XYLT1: variants seen among roughly 807,000 people sequenced by gnomAD.
XYLT1 encodes xylosyltransferase 1, also known as beta-D-xylosyltransferase 1.
Under a neutral mutation model 91.3 loss-of-function variants are expected in XYLT1, and 36 were observed. The observed-to-expected ratio is 0.39, with a 90% CI of 0.30 to 0.52. The LOEUF (loss-of-function observed/expected upper bound fraction) is 0.52. XYLT1 is among the 20% of genes least tolerant of loss of function. The pLI is 0.68. For synonymous variants in XYLT1, 588 were observed against 532.0 expected, an observed-to-expected ratio of 1.11 and a Z score of -1.45; for missense variants, 1,242 against 1,284.5, an observed-to-expected ratio of 0.97 and a Z score of 0.51.
chr16:17,256,660 C>CA (rs397820604), intron 3 of XYLT1, among the ~76,000 whole-genome samples: 5 of 147,164 alleles, frequency 3.4e-5, no homozygotes, highest in Admixed American at 2.0e-4. Flanking sequence ...AAAAAAAAAA[C>CA]AAAAAAAAGA....
intron 1 of XYLT1, among the ~76,000 whole-genome samples, chr16:17,439,165 T>C (rs1406119414): frequency 6.6e-6 from 1 of 152,204 alleles, no homozygotes; most frequent in Non-Finnish European, 1.5e-5. Flanking sequence ...TTAGATCAAG[T>C]ATGGCAGGCA....
intron 2 of XYLT1, among the ~76,000 whole-genome samples, chr16:17,327,787 G>A (rs1018834549): frequency 4.6e-5 from 7 of 151,936 alleles, no homozygotes; most frequent in Admixed American, 3.3e-4. Context: ...CATTTTCCTC[G>A]TCTTAAATTC....
chr16:17,410,908 C>T (rs1161526916), intron 1 of XYLT1, among the ~76,000 whole-genome samples: 1 of 152,204 alleles, frequency 6.6e-6, no homozygotes, highest in African/African-American at 2.4e-5. Context: ...TCCCAAAGTG[C>T]TGGGATTACA....
chr16:17,271,443 C>G (rs1018699695), intron 2 of XYLT1, among the ~76,000 whole-genome samples: 1 of 151,904 alleles, frequency 6.6e-6, no homozygotes, highest in African/African-American at 2.4e-5. Context: ...GCAAGAGACA[C>G]AGAGAGAGAG....
At chr16:17,208,340 TA>T (rs534458681) in intron 3 of XYLT1, among the ~76,000 whole-genome samples, 1,939 of 142,416 alleles carry the variant, frequency 0.014, 9 homozygotes, top group Middle Eastern at 0.043. Flanking sequence ...CACTTCTCTT[TA>T]AAAAAAAAAA....
chr16:17,219,036 C>G (rs1049376370), intron 3 of XYLT1, among the ~76,000 whole-genome samples: 3 of 151,980 alleles, frequency 2.0e-5, no homozygotes, highest in Admixed American at 6.6e-5. Context: ...AATCCCAGCA[C>G]TTTTGGAGGC....
Position 17,138,336 on chromosome 16 carries a change from G to A in XYLT1, c.1764+19C>T, listed in dbSNP as rs915382546. The A allele has an allele frequency of 2.5e-6, 4 of 1,605,398 alleles. No homozygotes were observed. The highest frequency in any genetic ancestry group is 3.4e-6 in the Non-Finnish European group (4 of 1,173,644). ...GAAGGCATCACTTAGGAGGCTGGCA[G>A]ACCATGAGAAAGTCTCACCTGGAAG... On this transcript the variant is annotated intron_variant, in intron 8 of 11. Transcript: ENST00000261381.
At chr16:17,386,332 T>C (rs1380223121) in intron 1 of XYLT1, among the ~76,000 whole-genome samples, 2 of 151,930 alleles carry the variant, frequency 1.3e-5, no homozygotes, top group Non-Finnish European at 2.9e-5. Context: ...AGAAATAAAA[T>C]AGGAAAAACC....
chr16:17,232,131 TATAATAG>T (rs1220151097), intron 3 of XYLT1, among the ~76,000 whole-genome samples: 2 of 144,616 alleles, frequency 1.4e-5, no homozygotes, highest in Non-Finnish European at 3.0e-5. Context: ...TATTATAATA[TATAATAG>T]ATAATAGATT....
chr16:17,270,760 A>G (rs1335181805), intron 2 of XYLT1, among the ~76,000 whole-genome samples: 1 of 152,198 alleles, frequency 6.6e-6, no homozygotes, highest in East Asian at 1.9e-4. Flanking sequence ...TTTTGTCAAT[A>G]AAGTTCTTCC....
At chr16:17,438,618 G>A (rs2036492464) in intron 1 of XYLT1, among the ~76,000 whole-genome samples, 2 of 152,082 alleles carry the variant, frequency 1.3e-5, no homozygotes, top group South Asian at 4.1e-4. Context: ...AATTTATGAA[G>A]AAAAGAGATT....
intron 2 of XYLT1, among the ~76,000 whole-genome samples, chr16:17,273,072 T>C (rs2033920275): frequency 6.6e-6 from 1 of 152,194 alleles, no homozygotes; most frequent in African/African-American, 2.4e-5. Context: ...CTGCACATCT[T>C]CTGAACGTCC....
chr16:17,427,528 C>T (rs940631321), intron 1 of XYLT1, among the ~76,000 whole-genome samples: 4 of 152,220 alleles, frequency 2.6e-5, no homozygotes, highest in Non-Finnish European at 4.4e-5. Flanking sequence ...AAGTGATCCT[C>T]CCATCTTGGC....
chr16:17,359,729 T>C (rs2035355833), intron 1 of XYLT1, among the ~76,000 whole-genome samples: 1 of 152,208 alleles, frequency 6.6e-6, no homozygotes, highest in Admixed American at 6.5e-5. Context: ...TCTGGGGAAG[T>C]CATGAAGGAG....
In XYLT1 at chr16:17,107,601, G is replaced by A. The variant is rs993851657; in HGVS notation, c.*1094C>T. On this transcript the variant is annotated 3_prime_UTR_variant, in exon 12 of 12. Transcript: ENST00000261381. ...TGGACGGGAAAAGTCTGGTTCATGT[G>A]GTTTGGTCACTCCCAACAGCACCGG... The A allele has an allele frequency of 1.3e-5, 2 of 152,684 alleles. No individual in the cohort carries two copies. Among genetic ancestry groups the A allele is most frequent in the Non-Finnish European group, 2.9e-5 (2 of 68,076 alleles). The allele number at this position is 152,684 out of a possible 1,614,324, so 9.5% of individuals were successfully genotyped here. A position where few individuals can be genotyped will look rare whatever the true frequency, so the allele number is the denominator to read the frequency against.
intron 2 of XYLT1, chr16:17,338,611 G>A (rs116334612): frequency 4.9e-6 from 2 of 407,342 alleles, no homozygotes; most frequent in African/African-American, 2.1e-5. Flanking sequence ...GGTCATTCGT[G>A]GCCTGCTCAC....
At chr16:17,423,141 C>T (rs1253507064) in intron 1 of XYLT1, among the ~76,000 whole-genome samples, 1 of 149,466 alleles carries the variant, frequency 6.7e-6, no homozygotes, top group Admixed American at 6.6e-5. Context: ...TCCTGGACAC[C>T]TCGCTGGGCT....
At chr16:17,466,890 G>GAA (rs71882457) in intron 1 of XYLT1, among the ~76,000 whole-genome samples, 2 of 147,144 alleles carry the variant, frequency 1.4e-5, no homozygotes, top group African/African-American at 2.5e-5. Context: ...TTGAAAGTGT[G>GAA]AAAAAAAAAA....
chr16:17,302,921 G>A (rs1401706059), intron 2 of XYLT1, among the ~76,000 whole-genome samples: 1 of 151,984 alleles, frequency 6.6e-6, no homozygotes, highest in Non-Finnish European at 1.5e-5. Flanking sequence ...GAGAAAGCGA[G>A]AGAGAGCTAG....
Sources: allele counts gnomAD v4.1 joint callset (sites outside exome capture counted in the v4.1 genomes callset), GRCh38; gene constraint gnomAD v4.1.1; transcripts MANE v1.5; gene names NCBI Gene and HGNC (gene_info 2026-07-23, HGNC 2026-07-21).